AASS: variants seen among roughly 807,000 people sequenced by gnomAD.
AASS encodes the protein aminoadipate-semialdehyde synthase.
In AASS, 86 loss-of-function variants were observed where a neutral mutation model predicts 105.4. That is an observed-to-expected ratio of 0.82 (90% CI 0.69 to 0.98). The LOEUF (loss-of-function observed/expected upper bound fraction) is 0.98. Ranked by LOEUF, AASS falls within the 50% of genes least tolerant of loss-of-function variation. The pLI is 0.00. For missense variants in AASS, 1,048 were observed against 1,143.2 expected, an observed-to-expected ratio of 0.92 and a Z score of 1.20; for synonymous variants, 381 against 394.8, an observed-to-expected ratio of 0.96 and a Z score of 0.41.
At chr7:122,122,316 A>AG (rs576333444) in intron 4 of AASS, among the ~76,000 whole-genome samples, 149 of 152,242 alleles carry the variant, frequency 9.8e-4, no homozygotes, top group African/African-American at 2.8e-3. Context: ...AAAAAGACTG[A>AG]GAAAAAAAAA....
At chr7:122,126,347 T>C (rs749459522) in intron 4 of AASS, 28 bp downstream of exon 4, 9 of 1,598,180 alleles carry the variant, frequency 5.6e-6, no homozygotes, top group Non-Finnish European at 7.7e-6. Flanking sequence ...ATTTAGGAAG[T>C]GGGTGATGTA....
chr7:122,143,025 G>A (rs1242481720), intron 1 of AASS, among the ~76,000 whole-genome samples: 2 of 152,114 alleles, frequency 1.3e-5, no homozygotes, highest in East Asian at 3.9e-4. Context: ...TTTGCAGAAT[G>A]GCCACCAGGT....
intron 2 of AASS, among the ~76,000 whole-genome samples, chr7:122,132,517 T>C (rs796548483): frequency 9.2e-5 from 14 of 152,248 alleles, no homozygotes; most frequent in African/African-American, 3.4e-4. Flanking sequence ...ACTCAGTAAT[T>C]ACAAAGGGTG....
At chr7:122,141,683 A>C (rs951801470) in intron 1 of AASS, among the ~76,000 whole-genome samples, 5 of 128,138 alleles carry the variant, frequency 3.9e-5, no homozygotes, top group East Asian at 4.7e-4. Flanking sequence ...AAAAAAAAAA[A>C]AACTTGATTC....
At chr7:122,129,637 G>A in intron 2 of AASS, 100 bp from the exon 3 acceptor site, 1 of 1,088,586 alleles carries the variant, frequency 9.2e-7, no homozygotes, top group Non-Finnish European at 1.4e-6. Flanking sequence ...TCTTTTGAAG[G>A]AATAAAATCT....
intron 2 of AASS, among the ~76,000 whole-genome samples, chr7:122,132,348 A>T (rs1795954038): frequency 6.6e-6 from 1 of 152,224 alleles, no homozygotes. Context: ...GTCAGCAAAC[A>T]AACTTAGGGG....
intron 1 of AASS, among the ~76,000 whole-genome samples, chr7:122,138,661 T>C (rs1796258203): frequency 6.6e-6 from 1 of 152,192 alleles, no homozygotes; most frequent in Non-Finnish European, 1.5e-5. Flanking sequence ...TACTCTATGA[T>C]ACTGTCTTAT....
chr7:122,117,866 G>A (rs984971639), intron 6 of AASS, among the ~76,000 whole-genome samples: 3 of 152,092 alleles, frequency 2.0e-5, no homozygotes, highest in South Asian at 2.1e-4. Context: ...ATATTGGCCA[G>A]GTTGGCCTCG....
chr7:122,083,984 C>T (rs550851237), intron 19 of AASS, among the ~76,000 whole-genome samples: 1 of 152,246 alleles, frequency 6.6e-6, no homozygotes, highest in Non-Finnish European at 1.5e-5. Context: ...CCCACTCGCA[C>T]ACCTTGTTGA....
chr7:122,113,863 C>A, intron 9 of AASS, 143 bp from the exon 10 acceptor site: 6 of 692,824 alleles, frequency 8.7e-6, no homozygotes, highest in Admixed American at 2.5e-5. Flanking sequence ...ATAGCTCATT[C>A]TTCAGGACTC....
intron 10 of AASS, among the ~76,000 whole-genome samples, 176 bp from the exon 11 acceptor site, chr7:122,113,405 T>C (rs975587747): frequency 6.6e-6 from 1 of 152,190 alleles, no homozygotes; most frequent in Non-Finnish European, 1.5e-5. Flanking sequence ...CAGCAACCCA[T>C]CTCACATTTA....
intron 15 of AASS, among the ~76,000 whole-genome samples, chr7:122,094,498 T>G (rs1449490811): frequency 6.8e-6 from 1 of 147,182 alleles, no homozygotes; most frequent in East Asian, 2.0e-4. Context: ...TTTATGTTGG[T>G]TTTTATTTTT....
rs74882337 is a variant in AASS at position 122,093,136 on chromosome 7, G to A, written c.1678C>T (p.Pro560Ser). Residue 560 changes from proline to serine, a missense_variant, in exon 16 of 24, where the codon CCT becomes TCT. By Grantham distance (74) the Pro-to-Ser change is moderately conservative (BLOSUM62 -1). Coordinates refer to ENST00000417368, the MANE Select transcript of AASS (RefSeq NM_005763.4). ...GTGATGCAGGCCTTGGCCACAAGAG[G>A]GTGCAATACATAAGGCAACAAGCTT... Reference protein sequence around the residue: ...VISLLPYVLHPLVAKACITNK... With the variant: ...VISLLPYVLHSLVAKACITNK... 6.1e-3 allele frequency: 9,781 copies of A among 1,613,710 alleles called. 40 individuals are homozygous for A. The highest frequency in any genetic ancestry group is 7.6e-3 in the Non-Finnish European group (8,968 of 1,179,726).
chr7:122,076,705 T>A lies in AASS; in HGVS notation c.2663-98A>T, dbSNP rs551962356. 4.8e-5 allele frequency: 45 copies of A among 939,258 alleles called. No homozygotes were observed. The South Asian group carries it at 5.0e-4, about 10-fold the overall frequency. The allele number at this position is 939,258 out of a possible 1,614,324, so 58.2% of individuals were successfully genotyped here. A position where few individuals can be genotyped will look rare whatever the true frequency, so the allele number is the denominator to read the frequency against. On this transcript the variant is annotated intron_variant, in intron 23 of 23. Coordinates refer to ENST00000417368, the MANE Select transcript of AASS (RefSeq NM_005763.4). ...CACAAAGAAGCAAACTCAGAGTCAATGAATTCTTGGAGGCCTAGGCATTTT... is the reference window on the plus strand; with the variant it reads ...CACAAAGAAGCAAACTCAGAGTCAAAGAATTCTTGGAGGCCTAGGCATTTT...
At chr7:122,078,779 C>T (rs1793162098) in intron 22 of AASS, 83 bp downstream of exon 22, 1 of 1,327,482 alleles carries the variant, frequency 7.5e-7, no homozygotes, top group Non-Finnish European at 1.1e-6. Flanking sequence ...CTGCTTGGGG[C>T]CAACCCTCCA....
chr7:122,103,782 G>GTGTGT, intron 11 of AASS, among the ~76,000 whole-genome samples: 1 of 151,892 alleles, frequency 6.6e-6, no homozygotes, highest in East Asian at 1.9e-4. Context: ...ACATATATAT[G>GTGTGT]TGTGTATATA....
At chr7:122,134,946 A>G (rs1383898608) in intron 1 of AASS, among the ~76,000 whole-genome samples, 2 of 152,176 alleles carry the variant, frequency 1.3e-5, no homozygotes, top group Non-Finnish European at 2.9e-5. Context: ...ATGCAGCCAT[A>G]AAAAAGGATG....
At position 122,098,591 on chromosome 7, in the gene AASS, AAAAGTC is replaced by A; in HGVS notation, c.1529-21_1529-16del. 1 of 1,605,890 alleles carries A rather than the reference AAAAGTC, an allele frequency of 6.2e-7. No homozygotes were observed. Among genetic ancestry groups the A allele is most frequent in the East Asian group, 2.2e-5 (1 of 44,638 alleles). On this transcript the variant is annotated splice_polypyrimidine_tract_variant and intron_variant, in intron 14 of 23. Coordinates refer to ENST00000417368, the MANE Select transcript of AASS (RefSeq NM_005763.4). The stretch of plus-strand genomic sequence containing the variant: ...CATGTCAGATCCTATTTCAGTAATT[AAAAGTC>A]ACATTTTTAGATATGTCAGAGTAAA...
intron 11 of AASS, among the ~76,000 whole-genome samples, chr7:122,106,124 G>A (rs945887993): frequency 6.6e-6 from 1 of 151,916 alleles, no homozygotes; most frequent in Non-Finnish European, 1.5e-5. Flanking sequence ...TAAGACTAGG[G>A]GGTTGTCTAG....
Sources: gnomAD v4.1 joint callset for allele counts (sites outside exome capture counted in the v4.1 genomes callset) on GRCh38, gnomAD v4.1.1 for gene constraint, MANE v1.5 for transcripts, NCBI Gene and HGNC (gene_info 2026-07-23, HGNC 2026-07-21) for gene names.